The following ADAMTSL1 variants were observed in gnomAD, a reference collection of about 807,000 sequenced individuals.
ADAMTSL1 encodes ADAMTS-like protein 1.
Under a neutral mutation model 201.8 loss-of-function variants are expected in ADAMTSL1, and 126 were observed. The observed-to-expected ratio is 0.62, with a 90% CI of 0.54 to 0.72. ADAMTSL1 has a LOEUF of 0.72. ADAMTSL1 is among the 30% of genes least tolerant of loss of function. The pLI is 0.00. For synonymous variants in ADAMTSL1, 1,121 were observed against 903.4 expected, an observed-to-expected ratio of 1.24 and a Z score of -4.32; for missense variants, 2,679 against 2,277.8, an observed-to-expected ratio of 1.18 and a Z score of -3.59.
rs763832268 is a variant in ADAMTSL1 at position 18,051,102 on chromosome 9, C to T, written c.88-112760C>T. Among the ~76,000 whole-genome samples the T allele has an allele frequency of 5.1e-4, 77 of 152,094 alleles. 2 individuals carry two copies. The highest frequency in any genetic ancestry group is 1.8e-4 in the Non-Finnish European group (12 of 68,006). ...AGATCATGAGGTCAGGAGATGGAGA[C>T]CATCCTGGCTAACATAGTGAAACCC... On this transcript the variant is annotated intron_variant, in intron 1 of 29. Transcript: ENST00000680146.
At chr9:17,952,478 A>G (rs1167291475) in intron 1 of ADAMTSL1, among the ~76,000 whole-genome samples, 1 of 152,104 alleles carries the variant, frequency 6.6e-6, no homozygotes, top group Non-Finnish European at 1.5e-5. Flanking sequence ...CTTCTAGTTT[A>G]TGATGCCTTT....
chr9:18,340,691 A>T (rs1835433284), intron 2 of ADAMTSL1, among the ~76,000 whole-genome samples: 1 of 152,102 alleles, frequency 6.6e-6, no homozygotes, highest in African/African-American at 2.4e-5. Flanking sequence ...AATAAGTCTC[A>T]TGAGATCTGA....
Position 18,649,775 on chromosome 9 carries a change from G to A in ADAMTSL1, c.835-7864G>A, listed in dbSNP as rs79910528. On this transcript the variant is annotated intron_variant, in intron 7 of 28. Transcript: ENST00000380548. The stretch of plus-strand genomic sequence containing the variant: ...TTTTGTCTCAGAGGAGTACCCCGCC[G>A]TGTGAGGTGTCAGTCTGCCCCTACT... 3.2e-4 allele frequency among the ~76,000 whole-genome samples: 48 copies of A among 152,104 alleles called. 1 individual carries two copies. Among genetic ancestry groups the A allele is most frequent in the East Asian group, 1.4e-3 (7 of 5,152 alleles).
intron 14 of ADAMTSL1, among the ~76,000 whole-genome samples, chr9:18,716,865 T>C (rs1205409888): frequency 7.4e-6 from 1 of 135,702 alleles, no homozygotes; most frequent in Non-Finnish European, 1.6e-5. Context: ...TAGACTGGAT[T>C]AAGAAAATGT....
intron 26 of ADAMTSL1, among the ~76,000 whole-genome samples, chr9:18,903,029 A>G (rs538819854): frequency 1.3e-5 from 2 of 151,868 alleles, no homozygotes; most frequent in Non-Finnish European, 2.9e-5. Flanking sequence ...ACATGGCAAA[A>G]CCCCATCTCT....
intron 1 of ADAMTSL1, among the ~76,000 whole-genome samples, chr9:17,971,862 T>C (rs570104060): frequency 1.3e-5 from 2 of 152,070 alleles, no homozygotes; most frequent in East Asian, 3.9e-4. Context: ...ATCATGTGCT[T>C]ATTTTTCTTC....
At chr9:18,479,831 A>G (rs1157253469) in intron 1 of ADAMTSL1, among the ~76,000 whole-genome samples, 1 of 152,238 alleles carries the variant, frequency 6.6e-6, no homozygotes, top group Non-Finnish European at 1.5e-5. Flanking sequence ...GGAAAAGTAC[A>G]AGTAGGAAGG....
intron 1 of ADAMTSL1, chr9:18,163,858 C>G (rs1456472425): frequency 3.3e-5 from 5 of 152,048 alleles, no homozygotes. Flanking sequence ...CCTTATCTCT[C>G]TAGGTATGCG....
At chr9:18,388,980 C>T (rs1416148211) in intron 2 of ADAMTSL1, among the ~76,000 whole-genome samples, 2 of 152,044 alleles carry the variant, frequency 1.3e-5, no homozygotes, top group East Asian at 3.9e-4. Flanking sequence ...TTGTCTTGAA[C>T]TCCTGACCTC....
At chr9:18,256,510 A>G (rs1420110501) in intron 2 of ADAMTSL1, among the ~76,000 whole-genome samples, 1 of 152,204 alleles carries the variant, frequency 6.6e-6, no homozygotes, top group African/African-American at 2.4e-5. Context: ...TCTCTGTCTA[A>G]AACACTATCC....
At chr9:18,350,472 GA>G (rs985686970) in intron 2 of ADAMTSL1, among the ~76,000 whole-genome samples, 1 of 152,066 alleles carries the variant, frequency 6.6e-6, no homozygotes, top group African/African-American at 2.4e-5. Context: ...TTGTGAAGGT[GA>G]ATTGGCTGCA....
At position 18,325,827 on chromosome 9, in the gene ADAMTSL1, G is replaced by A. The variant is rs144860718; in HGVS notation, c.207+161846G>A. Among the ~76,000 whole-genome samples, 230 of 151,258 alleles carry A rather than the reference G, an allele frequency of 1.5e-3. 2 individuals are homozygous for A. Among genetic ancestry groups the A allele is most frequent in the Admixed American group, 8.2e-3 (125 of 15,158 alleles). On this transcript the variant is annotated intron_variant, in intron 2 of 29. Coordinates refer to the ADAMTSL1 transcript ENST00000680146. ...GCAATCTCTGCTCACTGCAACCTCCGCCCCCAGGATTCAAGCGATTCTCCT... is the reference window on the plus strand; with the variant it reads ...GCAATCTCTGCTCACTGCAACCTCCACCCCCAGGATTCAAGCGATTCTCCT...
chr9:18,029,923 A>G (rs1454422370), intron 1 of ADAMTSL1, among the ~76,000 whole-genome samples: 8 of 151,596 alleles, frequency 5.3e-5, no homozygotes, highest in Non-Finnish European at 8.9e-5. Context: ...ATGTGGAGAA[A>G]TAGGAACACT....
chr9:18,167,173 T>C, intron 2 of ADAMTSL1, among the ~76,000 whole-genome samples: 1 of 151,950 alleles, frequency 6.6e-6, no homozygotes, highest in Admixed American at 6.6e-5. Flanking sequence ...ACAGATCATG[T>C]TGATTTTGAT....
intron 5 of ADAMTSL1, among the ~76,000 whole-genome samples, chr9:18,635,181 C>T (rs573564114): frequency 6.6e-6 from 1 of 151,878 alleles, no homozygotes; most frequent in South Asian, 2.1e-4. Context: ...ATATAAGATA[C>T]TGTCATTACA....
intron 2 of ADAMTSL1, among the ~76,000 whole-genome samples, chr9:18,529,499 C>G (rs1227187067): frequency 6.6e-6 from 1 of 152,164 alleles, no homozygotes; most frequent in East Asian, 1.9e-4. Flanking sequence ...TCAGCTTTCT[C>G]TGCCTCAGTT....
rs1831583432 is a variant in ADAMTSL1, at chr9:18,254,338, CTT to C, written c.207+90361_207+90362del. Among the ~76,000 whole-genome samples the C allele has an allele frequency of 4.2e-5, 4 of 94,506 alleles. No homozygotes were observed. In the South Asian group the frequency reaches 1.5e-3, roughly 36 times the overall value. The allele number at this position is 94,506 out of a possible 152,430, so 62.0% of individuals were successfully genotyped here. The stretch of plus-strand genomic sequence containing the variant: ...CACCTATGGAACTACCGTCAATACT[CTT>C]TTTGGTTTTTTTTTTTTTTTTTTTT... On this transcript the variant is annotated intron_variant, in intron 2 of 29. Coordinates refer to the ADAMTSL1 transcript ENST00000680146.
chr9:18,768,342 C>T (rs186993842), intron 16 of ADAMTSL1, among the ~76,000 whole-genome samples: 2 of 152,000 alleles, frequency 1.3e-5, no homozygotes, highest in South Asian at 2.1e-4. Flanking sequence ...TCTCCAGCTG[C>T]GTCCAGAGCA....
chr9:17,914,473 C>A (rs1029303304), intron 1 of ADAMTSL1, among the ~76,000 whole-genome samples: 1 of 152,110 alleles, frequency 6.6e-6, no homozygotes, highest in Non-Finnish European at 1.5e-5. Context: ...ATTCAGCAAC[C>A]CTTCATGCTA....
Sources: allele counts gnomAD v4.1 joint callset (sites outside exome capture counted in the v4.1 genomes callset), GRCh38; gene constraint gnomAD v4.1.1; transcripts MANE v1.5; gene names NCBI Gene and HGNC (gene_info 2026-07-23, HGNC 2026-07-21).